The following CBFA2T3 variants were observed in gnomAD, a reference collection of about 807,000 sequenced individuals.
CBFA2T3 encodes transcriptional corepressor CBFA2T3.
A neutral mutation model predicts 58.6 loss-of-function variants in CBFA2T3; 31 were observed. The observed-to-expected ratio is 0.53, with a 90% CI of 0.40 to 0.71. CBFA2T3 has a LOEUF of 0.71. Ranked by LOEUF, CBFA2T3 falls within the 30% of genes least tolerant of loss-of-function variation. The pLI is 0.00. For missense variants in CBFA2T3, 1,076 were observed against 963.1 expected, an observed-to-expected ratio of 1.12 and a Z score of -1.55; for synonymous variants, 531 against 421.9, an observed-to-expected ratio of 1.26 and a Z score of -3.17.
chr16:88,962,540 C>T (rs1327122037), intron 1 of CBFA2T3, among the ~76,000 whole-genome samples: 1 of 152,192 alleles, frequency 6.6e-6, no homozygotes, highest in East Asian at 1.9e-4. Context: ...AGGAGAGGCC[C>T]AGGGCCCAGG....
rs748631154 is a variant in CBFA2T3, at chr16:88,881,370, G to C, written c.1323C>G (p.Ala441=). ...LNHWARRYSD[A]EDTKKGPAPA... ...GAGCGGGGCCCTTCTTTGTGTCCTCGGCGTCGCTGTAGCGCCGCGCCCAGT... is the reference window on the plus strand; with the variant it reads ...GAGCGGGGCCCTTCTTTGTGTCCTCCGCGTCGCTGTAGCGCCGCGCCCAGT... The change falls in exon 9 of 12, where the codon GCC becomes GCG. Residue 441 remains alanine, a synonymous_variant. Transcript: ENST00000268679. 1.9e-6 allele frequency: 3 copies of C among 1,588,894 alleles called. No individual in the cohort carries two copies. Among genetic ancestry groups the C allele is most frequent in the East Asian group, 4.6e-5 (2 of 43,606 alleles).
intron 1 of CBFA2T3, among the ~76,000 whole-genome samples, chr16:88,964,254 G>A (rs545343571): frequency 2.8e-4 from 42 of 152,258 alleles, no homozygotes; most frequent in African/African-American, 8.9e-4. Flanking sequence ...ACAGGGCTTC[G>A]ACCCACCAGT....
At chr16:88,908,397 C>T (rs1453737955) in intron 1 of CBFA2T3, among the ~76,000 whole-genome samples, 1 of 152,184 alleles carries the variant, frequency 6.6e-6, no homozygotes, top group Non-Finnish European at 1.5e-5. Flanking sequence ...AGGCCGCTCC[C>T]CGGGGCCCAT....
intron 5 of CBFA2T3, among the ~76,000 whole-genome samples, chr16:88,891,010 G>A (rs1355217582): frequency 1.3e-5 from 2 of 152,104 alleles, no homozygotes; most frequent in African/African-American, 2.4e-5. Flanking sequence ...AGCAGGTTTG[G>A]GCCGGGCCGA....
chr16:88,926,079 C>T (rs986930277), intron 1 of CBFA2T3, among the ~76,000 whole-genome samples: 3 of 152,188 alleles, frequency 2.0e-5, no homozygotes, highest in Non-Finnish European at 4.4e-5. Context: ...ACTTGGTGGG[C>T]GCTGGGCGGT....
chr16:88,898,651 T>C (rs561774421), intron 2 of CBFA2T3, among the ~76,000 whole-genome samples: 1 of 152,334 alleles, frequency 6.6e-6, no homozygotes, highest in South Asian at 2.1e-4. Flanking sequence ...CCGCGTGTCC[T>C]AAAAGCGACC....
chr16:88,936,378 A>G (rs1971500437), intron 1 of CBFA2T3, among the ~76,000 whole-genome samples: 1 of 151,982 alleles, frequency 6.6e-6, no homozygotes, highest in Non-Finnish European at 1.5e-5. Flanking sequence ...TGCCACGTCC[A>G]CCATGACCCC....
chr16:88,946,236 G>A (rs1317953946), intron 1 of CBFA2T3, among the ~76,000 whole-genome samples: 1 of 152,016 alleles, frequency 6.6e-6, no homozygotes, highest in Non-Finnish European at 1.5e-5. Flanking sequence ...GAACCCAGGA[G>A]GCAGAGGTTG....
At position 88,928,228 on chromosome 16, in the gene CBFA2T3, C is replaced by T. The variant is rs191105679; in HGVS notation, c.152-26572G>A. Among the ~76,000 whole-genome samples, 793 of 152,236 alleles carry T rather than the reference C, an allele frequency of 5.2e-3. 7 individuals are homozygous for T. Among genetic ancestry groups the T allele is most frequent in the African/African-American group, 0.018 (761 of 41,562 alleles). The stretch of plus-strand genomic sequence containing the variant: ...TGGTTTGTTCGGCAGCACTGGGGCC[C>T]GGGGCAGCTTCTTGCCCGGCGTGTG... On this transcript the variant is annotated intron_variant, in intron 1 of 11. Coordinates refer to ENST00000268679, the MANE Select transcript of CBFA2T3 (RefSeq NM_005187.6).
intron 1 of CBFA2T3, among the ~76,000 whole-genome samples, chr16:88,915,705 GGGGGGAGCGTGGA>G (rs1342880065): frequency 5.1e-5 from 5 of 98,482 alleles, no homozygotes; most frequent in East Asian, 3.7e-4. Context: ...GAGCGTGGAC[GGGGGGAGCGTGGA>G]GGGGGAGCGT....
intron 1 of CBFA2T3, among the ~76,000 whole-genome samples, chr16:88,924,935 C>T (rs375100114): frequency 2.9e-4 from 44 of 152,236 alleles, no homozygotes; most frequent in Non-Finnish European, 5.1e-4. Flanking sequence ...CCCGCCACCA[C>T]GTGTGGGTGC....
intron 4 of CBFA2T3, 127 bp downstream of exon 4, chr16:88,892,117 A>G (rs999063198): frequency 2.9e-6 from 4 of 1,381,438 alleles, no homozygotes; most frequent in Non-Finnish European, 4.0e-6. Context: ...TGCAGGTGGC[A>G]TCGTGGGAGC....
At chr16:88,912,690 C>T (rs889044342) in intron 1 of CBFA2T3, among the ~76,000 whole-genome samples, 1 of 152,230 alleles carries the variant, frequency 6.6e-6, no homozygotes, top group Non-Finnish European at 1.5e-5. Flanking sequence ...GGCAGGGCCC[C>T]GTAAAGGTTT....
At chr16:88,974,779 C>T (rs1972754220) in intron 1 of CBFA2T3, among the ~76,000 whole-genome samples, 1 of 152,174 alleles carries the variant, frequency 6.6e-6, no homozygotes, top group East Asian at 1.9e-4. Context: ...CCCCCCATGG[C>T]CCCCGCTCCT....
At chr16:88,956,460 C>T (rs963049694) in intron 1 of CBFA2T3, among the ~76,000 whole-genome samples, 2 of 152,236 alleles carry the variant, frequency 1.3e-5, no homozygotes, top group Non-Finnish European at 2.9e-5. Context: ...CCAGCAGCTC[C>T]CGGAGGGTGG....
intron 1 of CBFA2T3, among the ~76,000 whole-genome samples, chr16:88,923,176 G>A (rs949045693): frequency 1.3e-5 from 2 of 152,228 alleles, no homozygotes; most frequent in East Asian, 3.8e-4. Context: ...CGAGCTGGGA[G>A]CACAGCTTTG....
In CBFA2T3 at chr16:88,958,810, G is replaced by T. The variant is rs1010413650; in HGVS notation, c.151+17847C>A. 1.3e-5 allele frequency among the ~76,000 whole-genome samples: 2 copies of T among 152,170 alleles called. No homozygotes were observed. Among genetic ancestry groups the T allele is most frequent in the Non-Finnish European group, 2.9e-5 (2 of 67,996 alleles). ...GCTCTGGGCTCTTCCCGCTGCAGGT[G>T]TGGGTCCCCCGTGGGCAGCTCTCAC... is the stretch of plus-strand genomic sequence containing the variant. On this transcript the variant is annotated intron_variant, in intron 1 of 11. Transcript: ENST00000268679. This position sits in a 1 kb window ranked among gnomAD's most constrained non-coding sequence, Gnocchi z 4.0.
At chr16:88,954,270 C>G (rs555651275) in intron 1 of CBFA2T3, among the ~76,000 whole-genome samples, 1 of 152,292 alleles carries the variant, frequency 6.6e-6, no homozygotes, top group Non-Finnish European at 1.5e-5. Flanking sequence ...TGACAGCCCC[C>G]TTCCCCTACA....
intron 1 of CBFA2T3, among the ~76,000 whole-genome samples, chr16:88,966,723 C>G (rs1277897603): frequency 6.7e-6 from 1 of 148,326 alleles, no homozygotes; most frequent in Non-Finnish European, 1.5e-5. Flanking sequence ...AGAGGCCTTT[C>G]TGAACACGAG....
Sources: allele counts gnomAD v4.1 joint callset (sites outside exome capture counted in the v4.1 genomes callset), GRCh38; gene constraint gnomAD v4.1.1; non-coding constraint Gnocchi (gnomAD v3.1); transcripts MANE v1.5; gene names NCBI Gene and HGNC (gene_info 2026-07-23, HGNC 2026-07-21).